The following KCTD19 variants were observed in gnomAD, a reference collection of about 807,000 sequenced individuals.
KCTD19 encodes the protein potassium channel tetramerization domain containing 19.
Under a neutral mutation model 103.5 loss-of-function variants are expected in KCTD19, and 67 were observed. That is an observed-to-expected ratio of 0.65 (90% confidence interval 0.53 to 0.79). KCTD19 has a LOEUF of 0.79. Ranked by LOEUF, KCTD19 falls within the 30% of genes least tolerant of loss-of-function variation. The pLI, the probability that KCTD19 is intolerant of heterozygous loss-of-function variation, is 0.00. For synonymous variants in KCTD19, 439 were observed against 452.2 expected (o/e 0.97, Z 0.37); for missense variants, 980 against 1,136.1 (o/e 0.86, Z 1.98).
rs967137071 is a variant in KCTD19 at position 67,291,249 on chromosome 16, G to T, written c.2565+60C>A. ...CTTGCCTTGCACCACTTATTGTGGG[G>T]CAGGGGAAGAGGTGGAGAAGGTACA... On this transcript the variant is annotated intron_variant, in intron 14 of 15. Transcript: ENST00000304372. 15 of 1,561,814 alleles carry T rather than the reference G, an allele frequency of 9.6e-6. No homozygotes were observed. The African/African-American group carries it at 1.9e-4, about 20-fold the overall frequency.
intron 1 of KCTD19, chr16:67,321,983 C>T (rs1167380118): frequency 1.3e-5 from 2 of 152,446 alleles, no homozygotes; most frequent in Non-Finnish European, 2.9e-5. Context: ...ATCACCCTCA[C>T]ATCCCACACT....
chr16:67,294,243 A>C (rs2036737794), intron 11 of KCTD19, 72 bp from the exon 12 acceptor site: 2 of 1,452,014 alleles, frequency 1.4e-6, no homozygotes, highest in Admixed American at 4.0e-5. Flanking sequence ...AAGATCTAAT[A>C]AGCTGGGCCT....
intron 5 of KCTD19, 99 bp from the exon 6 acceptor site, chr16:67,299,672 A>AAT: frequency 4.3e-6 from 4 of 922,396 alleles, no homozygotes; most frequent in Non-Finnish European, 6.7e-6. Context: ...CATTGTACCG[A>AAT]GGAGGCTCAG....
At chr16:67,315,630 C>T (rs1042497016) in intron 2 of KCTD19, among the ~76,000 whole-genome samples, 10 of 152,182 alleles carry the variant, frequency 6.6e-5, no homozygotes, top group East Asian at 3.9e-4. Context: ...TATAGGCGCA[C>T]GACACCATGC....
intron 2 of KCTD19, among the ~76,000 whole-genome samples, chr16:67,308,217 C>T (rs1484540318): frequency 2.0e-5 from 3 of 147,414 alleles, no homozygotes. Context: ...AGCTGGAGTG[C>T]AGTCGTACAA....
intron 2 of KCTD19, 96 bp from the exon 3 acceptor site, chr16:67,304,667 C>CAT (rs2036873041): frequency 1.2e-6 from 1 of 851,776 alleles, no homozygotes; most frequent in East Asian, 2.8e-5. Flanking sequence ...ATGTGACTTA[C>CAT]TTTTTTTTTT....
intron 1 of KCTD19, among the ~76,000 whole-genome samples, chr16:67,324,057 A>G (rs1407924183): frequency 6.6e-6 from 1 of 152,216 alleles, no homozygotes; most frequent in Admixed American, 6.6e-5. Flanking sequence ...CTCATTGTTA[A>G]AAGTTTAAGG....
At position 67,303,107 on chromosome 16, in the gene KCTD19, T is replaced by TGGGGGGGGGGGGGGGG; in HGVS notation, c.643+38_643+39insCCCCCCCCCCCCCCCC. On this transcript the variant is annotated intron_variant, in intron 4 of 15. Transcript: ENST00000304372. The surrounding 1 kb of genome is among the most constrained non-coding windows in gnomAD (Gnocchi z 4.3). ...GATGGGGAGGGGTGAATGGGCCCTA[T>TGGGGGGGGGGGGGGGG]CAGCCCGCCCCCCACCCCACCCCGG... 1 of 897,594 alleles carries TGGGGGGGGGGGGGGGG rather than the reference T, an allele frequency of 1.1e-6. No homozygotes were observed. Among genetic ancestry groups the TGGGGGGGGGGGGGGGG allele is most frequent in the Non-Finnish European group, 1.8e-6 (1 of 562,964 alleles). The allele number at this position is 897,594 out of a possible 1,614,324, so 55.6% of individuals were successfully genotyped here.
At chr16:67,295,822 G>A (rs976842887) in intron 8 of KCTD19, 1 of 353,964 alleles carries the variant, frequency 2.8e-6, no homozygotes, top group Admixed American at 3.8e-5. Context: ...TCAGCTCACT[G>A]CAACTTCTAT....
At chr16:67,309,396 A>G (rs1336312301) in intron 2 of KCTD19, among the ~76,000 whole-genome samples, 2 of 152,230 alleles carry the variant, frequency 1.3e-5, no homozygotes, top group Non-Finnish European at 2.9e-5. Flanking sequence ...TGGAGGCCAG[A>G]GGGAAGACCT....
intron 2 of KCTD19, among the ~76,000 whole-genome samples, chr16:67,314,917 G>A (rs1021102508): frequency 6.9e-6 from 1 of 144,814 alleles, no homozygotes; most frequent in African/African-American, 2.7e-5. Context: ...ACACAGTGGT[G>A]CAAACACAGT....
intron 2 of KCTD19, among the ~76,000 whole-genome samples, chr16:67,316,035 G>A (rs1014093237): frequency 2.6e-5 from 4 of 152,028 alleles, no homozygotes; most frequent in African/African-American, 9.7e-5. Flanking sequence ...TTTGATCACT[G>A]TTTTCTTATT....
At chr16:67,325,352 A>G (rs1200670055) in intron 1 of KCTD19, among the ~76,000 whole-genome samples, 6 of 150,178 alleles carry the variant, frequency 4.0e-5, no homozygotes, top group African/African-American at 1.5e-4. Context: ...AGCTGGGACT[A>G]CAGGCGCCCG....
chr16:67,309,376 C>T (rs1213788303), intron 2 of KCTD19, among the ~76,000 whole-genome samples: 1 of 152,042 alleles, frequency 6.6e-6, no homozygotes, highest in Non-Finnish European at 1.5e-5. Flanking sequence ...AGGGATTCCA[C>T]GTTGGGATCT....
intron 3 of KCTD19, 102 bp downstream of exon 3, chr16:67,304,319 A>T (rs2036868048): frequency 1.8e-6 from 2 of 1,139,602 alleles, no homozygotes; most frequent in Non-Finnish European, 2.6e-6. Context: ...CTGCCTCAGA[A>T]ATCAGGCACT....
At position 67,290,973 on chromosome 16, in the gene KCTD19, C is replaced by T; in HGVS notation, c.2579G>A (p.Ser860Asn). 1 of 1,614,090 alleles carries T rather than the reference C, an allele frequency of 6.2e-7. No homozygotes were observed. The highest frequency in any genetic ancestry group is 8.5e-7 in the Non-Finnish European group (1 of 1,179,996). ...CAAATCTACCACAAACTGCTTGGGG[C>T]TGATGTGCAGGGTCTGCCAGGAGAG... ...LANRLWTLHI[S>N]PKQFVVDLLA... The change falls in exon 15 of 16, where the codon AGC becomes AAC. Residue 860 changes from serine (S) to asparagine (N), a missense_variant. Transcript: ENST00000304372.
At position 67,293,595 on chromosome 16, in the gene KCTD19, TTGGGGGTAAGTA is replaced by T. The variant is rs757286144; in HGVS notation, c.2155_2166del (p.Tyr719_Pro722del). On this transcript the variant is annotated inframe_deletion, in exon 12 of 16. Coordinates refer to ENST00000304372, the MANE Select transcript of KCTD19 (RefSeq NM_001100915.3). The surrounding 1 kb of genome is among the most constrained non-coding windows in gnomAD (Gnocchi z 4.0). ...CAGTCCTTCAGGGTGCCAGCTCTTT[TTGGGGGTAAGTA>T]TGGCTTGAAGGTTGGCTCTGGCCCC... 1.2e-4 allele frequency: 188 copies of T among 1,613,982 alleles called. 3 individuals carry two copies. In the South Asian group the frequency reaches 1.9e-3, roughly 16 times the overall value.
intron 2 of KCTD19, 94 bp from the exon 3 acceptor site, chr16:67,304,665 T>TA: frequency 1.7e-6 from 2 of 1,162,494 alleles, no homozygotes; most frequent in Admixed American, 2.2e-5. Flanking sequence ...GTATGTGACT[T>TA]ACTTTTTTTT....
chr16:67,307,459 G>A (rs970011199), intron 2 of KCTD19, among the ~76,000 whole-genome samples: 2 of 151,844 alleles, frequency 1.3e-5, no homozygotes, highest in Non-Finnish European at 2.9e-5. Context: ...GACCACAGGC[G>A]TGCACCACCA....
Sources: gnomAD v4.1 joint callset for allele counts (sites outside exome capture counted in the v4.1 genomes callset) on GRCh38, gnomAD v4.1.1 for gene constraint, Gnocchi (gnomAD v3.1) non-coding constraint, MANE v1.5 for transcripts, NCBI Gene and HGNC (gene_info 2026-07-23, HGNC 2026-07-21) for gene names.